The following MIEF1 variants were observed in gnomAD, a reference collection of about 807,000 sequenced individuals.
MIEF1 encodes the protein mitochondrial elongation factor 1, also known as mitochondrial dynamics protein MIEF1.
A neutral mutation model predicts 35.1 loss-of-function variants in MIEF1; 14 were observed. The observed-to-expected ratio is 0.40, with a 90% CI of 0.26 to 0.62. The LOEUF (loss-of-function observed/expected upper bound fraction) is 0.62. Among genes scored for constraint, MIEF1 ranks in the 20% least tolerant of loss-of-function variants. The pLI is 0.43. For missense variants in MIEF1, 542 were observed against 615.4 expected (o/e 0.88, Z 1.26); for synonymous variants, 245 against 254.3 (o/e 0.96, Z 0.35).
chr22:39,511,574 A>C, intron 3 of MIEF1, 136 bp downstream of exon 3: 2 of 1,326,098 alleles, frequency 1.5e-6, no homozygotes, highest in South Asian at 3.3e-5. Flanking sequence ...AGGTTTCAAA[A>C]GTATGTATAG....
Position 39,515,772 on chromosome 22 carries a change from C to G in MIEF1, c.*1449C>G, listed in dbSNP as rs1380959880. On this transcript the variant is annotated 3_prime_UTR_variant, in exon 6 of 6. Transcript: ENST00000325301. ...GATGATAATTCTGTTTCTCATCTGC[C>G]CATTCAGTATTTTGTTTTCCTTCCG... The G allele has an allele frequency of 1.2e-5, 2 of 173,684 alleles. No homozygotes were observed. Among genetic ancestry groups the G allele is most frequent in the Admixed American group, 1.2e-4 (2 of 17,008 alleles). 10.8% of individuals were successfully genotyped at this position (173,684 alleles called of 1,614,324 possible). A position where few individuals can be genotyped will look rare whatever the true frequency, so the allele number is the denominator to read the frequency against.
chr22:39,509,053 A>G (rs905833722), intron 2 of MIEF1, among the ~76,000 whole-genome samples: 3 of 151,634 alleles, frequency 2.0e-5, no homozygotes, highest in African/African-American at 4.9e-5. Context: ...CTGGAGTGCA[A>G]TGGTGATTCT....
At chr22:39,511,536 A>G in intron 3 of MIEF1, 98 bp downstream of exon 3, 1 of 1,423,186 alleles carries the variant, frequency 7.0e-7, no homozygotes, top group South Asian at 1.6e-5. Context: ...TCTAGGAGGA[A>G]ATGATCGCAA....
rs966410595 is a variant in MIEF1, at chr22:39,502,321, C to G, written c.-456C>G. On this transcript the variant is annotated 5_prime_UTR_variant, in exon 1 of 6. Coordinates refer to ENST00000325301, the MANE Select transcript of MIEF1 (RefSeq NM_019008.6). Reference sequence around the variant, plus strand: ...CCTCGTGCTCCCTTCAGCCCCTTCGCAGCTCCGTGCGCAAGGTCGTGTCCC... The same window carrying G: ...CCTCGTGCTCCCTTCAGCCCCTTCGGAGCTCCGTGCGCAAGGTCGTGTCCC... 1.3e-5 allele frequency: 2 copies of G among 152,320 alleles called. No homozygotes were observed. Among genetic ancestry groups the G allele is most frequent in the Non-Finnish European group, 2.9e-5 (2 of 68,102 alleles). 9.4% of individuals were successfully genotyped at this position (152,320 alleles called of 1,614,324 possible).
chr22:39,512,480 T>C lies in MIEF1; in HGVS notation c.571T>C (p.Tyr191His). Reference sequence around the variant, plus strand: ...GGACATGTACTTGAGTGGCAGCCTCTACGATGACCTGCAGGTAACAAGGTG... The same window carrying C: ...GGACATGTACTTGAGTGGCAGCCTCCACGATGACCTGCAGGTAACAAGGTG... ...LRDMYLSGSL[Y>H]DDLQVVTADH... Residue 191 changes from tyrosine (Y) to histidine (H), a missense_variant, in exon 5 of 6, where the codon TAC (tyrosine) becomes CAC (histidine). Coordinates refer to ENST00000325301, the MANE Select transcript of MIEF1 (RefSeq NM_019008.6). 6.2e-7 allele frequency: 1 copy of C among 1,611,758 alleles called. No homozygotes were observed. Among genetic ancestry groups the C allele is most frequent in the Non-Finnish European group, 8.5e-7 (1 of 1,178,556 alleles).
rs758782871 is a variant in MIEF1 at position 39,513,787 on chromosome 22, G to A, written c.856G>A (p.Val286Met). The change falls in exon 6 of 6, where the codon GTG becomes ATG. Residue 286 changes from valine to methionine, a missense_variant. By Grantham distance (21) the Val-to-Met change is conservative. Transcript: ENST00000325301. ...AGCCATAGGGTCCCTCTTGGACTAT[G>A]TGATCCGCCCGGCCCCACCCCCAGA... ...WPAIGSLLDY[V>M]IRPAPPPEAL... 1 of 1,614,104 alleles carries A rather than the reference G, an allele frequency of 6.2e-7. No individual in the cohort carries two copies. Among genetic ancestry groups the A allele is most frequent in the Non-Finnish European group, 8.5e-7 (1 of 1,180,034 alleles).
chr22:39,504,017 C>T (rs551040706), intron 1 of MIEF1, 186 bp from the exon 2 acceptor site: 30 of 383,784 alleles, frequency 7.8e-5, no homozygotes, highest in Non-Finnish European at 1.3e-4. Flanking sequence ...GAACCACAAC[C>T]TGTATGTTTC....
rs1004241957 is a variant in MIEF1 at position 39,515,977 on chromosome 22, G to C, written c.*1654G>C. ...CTCTTTTGTCACAGATTAGGAAATT[G>C]AGAACTAGGGTTAACCTTGACTATA... On this transcript the variant is annotated 3_prime_UTR_variant, in exon 6 of 6. Transcript: ENST00000325301. 2 of 152,568 alleles carry C rather than the reference G, an allele frequency of 1.3e-5. No individual in the cohort carries two copies. The allele number at this position is 152,568 out of a possible 1,614,324, so 9.5% of individuals were successfully genotyped here. A position where few individuals can be genotyped will look rare whatever the true frequency, so the allele number is the denominator to read the frequency against.
rs1840854811 is a variant in MIEF1 at position 39,514,772 on chromosome 22, G to C, written c.*449G>C. On this transcript the variant is annotated 3_prime_UTR_variant, in exon 6 of 6. Coordinates refer to ENST00000325301, the MANE Select transcript of MIEF1 (RefSeq NM_019008.6). ...AGCATATCTGCCTAATTAAGATGTT[G>C]CCTTTTAGTTGAATGCCACTGAAGA... is the stretch of plus-strand genomic sequence containing the variant. 1 of 228,896 alleles carries C rather than the reference G, an allele frequency of 4.4e-6. No homozygotes were observed. Among genetic ancestry groups the C allele is most frequent in the African/African-American group, 2.3e-5 (1 of 43,908 alleles). 14.2% of individuals were successfully genotyped at this position (228,896 alleles called of 1,614,324 possible).
intron 1 of MIEF1, among the ~76,000 whole-genome samples, chr22:39,502,683 A>AC (rs1350399373): frequency 6.6e-6 from 1 of 151,596 alleles, no homozygotes; most frequent in Non-Finnish European, 1.5e-5. Flanking sequence ...GGGCCTCCGC[A>AC]CCCCGGCCCG....
chr22:39,503,924 G>A (rs900701917), intron 1 of MIEF1: 1 of 269,386 alleles, frequency 3.7e-6, no homozygotes, highest in African/African-American at 2.2e-5. Context: ...TATAAGTGAG[G>A]AAGCTGGTGC....
At chr22:39,512,866 C>T (rs2145752031) in intron 5 of MIEF1, among the ~76,000 whole-genome samples, 1 of 152,212 alleles carries the variant, frequency 6.6e-6, no homozygotes, top group Non-Finnish European at 1.5e-5. Context: ...TCAGGCTGGT[C>T]TCGAATTCCT....
At position 39,504,216 on chromosome 22, in the gene MIEF1, C is replaced by G. The variant is rs1356511950; in HGVS notation, c.-326C>G. ...TTCTGTTTATAGTGTGACACCCAGCCCCTGCCAGTCCCCCATGGCCCCGTG... is the reference window on the plus strand; with the variant it reads ...TTCTGTTTATAGTGTGACACCCAGCGCCTGCCAGTCCCCCATGGCCCCGTG... On this transcript the variant is annotated 5_prime_UTR_variant, in exon 2 of 6. Transcript: ENST00000325301. The G allele has an allele frequency of 7.5e-6, 3 of 399,254 alleles. No homozygotes were observed. The allele number at this position is 399,254 out of a possible 1,614,324, so 24.7% of individuals were successfully genotyped here.
chr22:39,500,556 A>C (rs1348249817), upstream of MIEF1: 1 of 151,492 alleles, frequency 6.6e-6, no homozygotes, highest in Non-Finnish European at 1.5e-5. Flanking sequence ...TTTAAAAAGC[A>C]AATTAGGGCA....
rs1431364808 is a variant in MIEF1, at chr22:39,504,528, G to A, written c.-14G>A. 9.8e-5 allele frequency: 39 copies of A among 398,248 alleles called. 1 individual carries two copies. In the East Asian group the frequency reaches 1.4e-3, roughly 14 times the overall value. The allele number at this position is 398,248 out of a possible 1,614,324, so 24.7% of individuals were successfully genotyped here. A position where few individuals can be genotyped will look rare whatever the true frequency, so the allele number is the denominator to read the frequency against. On this transcript the variant is annotated 5_prime_UTR_variant, in exon 2 of 6. Transcript: ENST00000325301. ...CCCCATCTTACAGATGTATTAAGAA[G>A]CCTCAGGTACGTAGGCCCTCGTTCC...
chr22:39,512,187 C>T, intron 4 of MIEF1, 45 bp from the exon 5 acceptor site: 1 of 1,591,206 alleles, frequency 6.3e-7, no homozygotes, highest in Non-Finnish European at 8.5e-7. Context: ...GTGGACTGAG[C>T]AGGCATGGGC....
In MIEF1 at chr22:39,514,140, G is replaced by A; in HGVS notation, c.1209G>A (p.Met403Ile). ...AQEEADWSPD[M>I]LADRFLQALR... is the part of the protein sequence containing the mutation. ...AGGAGGCTGACTGGTCTCCGGATAT[G>A]CTGGCCGACCGTTTCCTGCAGGCCT... Residue 403 changes from methionine (M) to isoleucine (I), a missense_variant, in exon 6 of 6, where the codon ATG (methionine) becomes ATA (isoleucine). Met to Ile is a conservative substitution (Grantham distance 10). Transcript: ENST00000325301. 6.2e-7 allele frequency: 1 copy of A among 1,614,234 alleles called. No homozygotes were observed. The highest frequency in any genetic ancestry group is 1.3e-5 in the African/African-American group (1 of 75,064).
chr22:39,508,168 C>A (rs1036816228), intron 2 of MIEF1, among the ~76,000 whole-genome samples: 1 of 152,200 alleles, frequency 6.6e-6, no homozygotes, highest in East Asian at 1.9e-4. Flanking sequence ...TGGTCCCACG[C>A]GGGGACCATT....
rs756027517 is a variant in MIEF1, at chr22:39,514,224, G to C, written c.1293G>C (p.Lys431Asn). Residue 431 changes from lysine (K) to asparagine (N), a missense_variant, in exon 6 of 6, where the codon AAG becomes AAC. Transcript: ENST00000325301. ...AGVLPSALNP[K>N]VNLFAELTPE... is the part of the protein sequence containing the mutation. ...TCCTGCCCAGTGCCCTAAACCCCAA[G>C]GTGAACTTATTTGCAGAGCTCACCC... is the stretch of plus-strand genomic sequence containing the variant. The C allele has an allele frequency of 3.7e-6, 6 of 1,614,182 alleles. No homozygotes were observed. The highest frequency in any genetic ancestry group is 3.3e-5 in the Admixed American group (2 of 60,024).
Sources: allele counts gnomAD v4.1 joint callset (sites outside exome capture counted in the v4.1 genomes callset), GRCh38; gene constraint gnomAD v4.1.1; transcripts MANE v1.5; gene names NCBI Gene and HGNC (gene_info 2026-07-23, HGNC 2026-07-21).